PDE1A: variants seen among roughly 807,000 people sequenced by gnomAD.
PDE1A encodes dual specificity calcium/calmodulin-dependent 3',5'-cyclic nucleotide phosphodiesterase 1A.
In PDE1A, 35 loss-of-function variants were observed where a neutral mutation model predicts 61.7. The ratio of observed to expected loss-of-function variants is 0.57; its 90% CI spans 0.43 to 0.75. PDE1A has a LOEUF of 0.75. PDE1A is among the 30% of genes least tolerant of loss of function. PDE1A has a pLI of 0.00. For synonymous variants in PDE1A, 232 were observed against 213.2 expected, an observed-to-expected ratio of 1.09 and a Z score of -0.77; for missense variants, 597 against 630.6, an observed-to-expected ratio of 0.95 and a Z score of 0.57.
the PDE1A span, among the ~76,000 whole-genome samples, chr2:182,570,663 T>C: frequency 1.3e-5 from 2 of 152,212 alleles, no homozygotes; most frequent in African/African-American, 4.8e-5. Flanking sequence ...GTGTTCAATA[T>C]GATCATTTTC....
intron 2 of PDE1A, among the ~76,000 whole-genome samples, chr2:182,503,293 T>C (rs1271139003): frequency 6.6e-6 from 1 of 152,178 alleles, no homozygotes; most frequent in East Asian, 1.9e-4. Context: ...TGTCCTTCCT[T>C]GCCTCTCCAC....
rs149736898 is a variant in PDE1A, at chr2:182,486,431, A to G, written c.101+35845T>C. Among the ~76,000 whole-genome samples, 882 of 152,192 alleles carry G rather than the reference A, an allele frequency of 5.8e-3. 8 individuals carry two copies. The highest frequency in any genetic ancestry group is 0.02 in the African/African-American group (848 of 41,550). On this transcript the variant is annotated intron_variant, in intron 2 of 14. Transcript: ENST00000410103. ...CAAAACCCCACCAGGCTTTTTTTGT[A>G]GAAGTTGGAAATATGCTTCTAAACT...
chr2:182,481,297 T>C (rs895947436), intron 2 of PDE1A, among the ~76,000 whole-genome samples: 1 of 151,910 alleles, frequency 6.6e-6, no homozygotes, highest in African/African-American at 2.4e-5. Flanking sequence ...TATCCATTAT[T>C]GTTAAAATAC....
chr2:182,160,976 A>G (rs1161928659), intron 13 of PDE1A, among the ~76,000 whole-genome samples: 1 of 152,186 alleles, frequency 6.6e-6, no homozygotes, highest in African/African-American at 2.4e-5. Context: ...ACACAAAATA[A>G]AGGCACTTGA....
chr2:182,208,624 C>T (rs1395989017), intron 7 of PDE1A, among the ~76,000 whole-genome samples: 3 of 152,154 alleles, frequency 2.0e-5, no homozygotes, highest in African/African-American at 2.4e-5. Context: ...AGGCACTGGA[C>T]GCCAGCCAGT....
At chr2:182,272,613 T>C (rs556109214) in intron 1 of PDE1A, among the ~76,000 whole-genome samples, 1 of 152,158 alleles carries the variant, frequency 6.6e-6, no homozygotes, top group Middle Eastern at 3.4e-3. Flanking sequence ...GGAAGGGAAG[T>C]CTTACAATAA....
At chr2:182,422,690 C>T (rs1275592308) in intron 1 of PDE1A, among the ~76,000 whole-genome samples, 1 of 151,872 alleles carries the variant, frequency 6.6e-6, no homozygotes, top group Non-Finnish European at 1.5e-5. Flanking sequence ...TATTAAAACA[C>T]AAATTAATGA....
intron 2 of PDE1A, among the ~76,000 whole-genome samples, chr2:182,479,742 A>T (rs1346147997): frequency 1.3e-5 from 2 of 151,956 alleles, no homozygotes; most frequent in Non-Finnish European, 2.9e-5. Context: ...TATAAATCAT[A>T]CATAATAGAA....
intron 2 of PDE1A, among the ~76,000 whole-genome samples, chr2:182,245,883 T>A (rs1690907513): frequency 6.6e-6 from 1 of 152,166 alleles, no homozygotes; most frequent in Non-Finnish European, 1.5e-5. Flanking sequence ...AAGTGTTTAG[T>A]TTTGCAAAAA....
chr2:182,526,101 TAAAAAC>T (rs1690770120), upstream of PDE1A, among the ~76,000 whole-genome samples: 1 of 152,142 alleles, frequency 6.6e-6, no homozygotes, highest in Non-Finnish European at 1.5e-5. Context: ...CAAGAATATT[TAAAAAC>T]AAAATACTGT....
chr2:182,159,913 A>G (rs74894465), intron 13 of PDE1A, among the ~76,000 whole-genome samples: 1 of 152,200 alleles, frequency 6.6e-6, no homozygotes, highest in East Asian at 1.9e-4. Context: ...TGATTATGCC[A>G]TTGCACTTCA....
At chr2:182,460,316 C>T (rs937272724) in intron 2 of PDE1A, among the ~76,000 whole-genome samples, 1 of 152,128 alleles carries the variant, frequency 6.6e-6, no homozygotes, top group African/African-American at 2.4e-5. Context: ...GGTCAAGCCT[C>T]ACTTCCCCAG....
chr2:182,346,939 T>C (rs1159042546), intron 1 of PDE1A, among the ~76,000 whole-genome samples: 2 of 152,188 alleles, frequency 1.3e-5, no homozygotes, highest in African/African-American at 2.4e-5. Flanking sequence ...AATTTACTTG[T>C]CCTTCATAGA....
intron 1 of PDE1A, among the ~76,000 whole-genome samples, chr2:182,395,936 A>G (rs977922042): frequency 6.6e-6 from 1 of 152,184 alleles, no homozygotes; most frequent in Non-Finnish European, 1.5e-5. Context: ...TGAACTTCCT[A>G]TCATGAACTT....
intron 2 of PDE1A, among the ~76,000 whole-genome samples, chr2:182,432,916 T>C (rs1704028348): frequency 6.6e-6 from 1 of 152,014 alleles, no homozygotes; most frequent in Admixed American, 6.6e-5. Context: ...CTCTGATCAA[T>C]TGCCTCAGTT....
chr2:182,689,055 G>T, the PDE1A span, among the ~76,000 whole-genome samples: 53 of 152,184 alleles, frequency 3.5e-4, no homozygotes, highest in African/African-American at 1.1e-3. Flanking sequence ...ACAAAGAGAC[G>T]TAGACTCCCA....
intron 1 of PDE1A, among the ~76,000 whole-genome samples, chr2:182,305,045 G>A (rs988346816): frequency 2.0e-5 from 3 of 151,808 alleles, no homozygotes; most frequent in African/African-American, 4.8e-5. Flanking sequence ...CCCCAGAGTC[G>A]CTCAGTAGGA....
the PDE1A span, among the ~76,000 whole-genome samples, chr2:182,647,988 C>G: frequency 1.3e-5 from 2 of 152,086 alleles, no homozygotes; most frequent in South Asian, 4.1e-4. Flanking sequence ...TTCTGAGAGA[C>G]TTTCCTCTAG....
intron 1 of PDE1A, among the ~76,000 whole-genome samples, chr2:182,414,845 C>T (rs1400599397): frequency 2.6e-5 from 4 of 152,128 alleles, no homozygotes; most frequent in East Asian, 1.9e-4. Flanking sequence ...ATTAAACACA[C>T]GGATCAAAAT....
Sources: allele counts gnomAD v4.1 joint callset (sites outside exome capture counted in the v4.1 genomes callset), GRCh38; gene constraint gnomAD v4.1.1; transcripts MANE v1.5; gene names NCBI Gene and HGNC (gene_info 2026-07-23, HGNC 2026-07-21).